Variants in ANKRD61 observed in about 807,000 individuals in gnomAD.
The protein encoded by ANKRD61 is ankyrin repeat domain-containing protein 61.
A neutral mutation model predicts 8.4 loss-of-function variants in ANKRD61; 7 were observed. The ratio of observed to expected loss-of-function variants is 0.84; its 90% CI spans 0.48 to 1.57. The LOEUF (loss-of-function observed/expected upper bound fraction) is 1.57, where lower values mean the gene tolerates loss of function less well. Ranked by LOEUF, ANKRD61 falls within the 40% of genes most tolerant of loss-of-function variation. The pLI is 0.00. For missense variants in ANKRD61, 516 were observed against 523.4 expected, an observed-to-expected ratio of 0.99 and a Z score of 0.14; for synonymous variants, 198 against 208.0, an observed-to-expected ratio of 0.95 and a Z score of 0.41.
rs969894976 is a variant in ANKRD61, at chr7:6,035,545, C to T, written c.416C>T (p.Thr139Ile). 12 of 1,551,214 alleles carry T rather than the reference C, an allele frequency of 7.7e-6. No homozygotes were observed. The South Asian group carries it at 1.4e-4, about 18-fold the overall frequency. ...GGCAACAGAACGCACAGGATCCTGA[C>T]AGACATTCAGAATAGCAGCATCACA... ...KPGNRTHRILTDIQNSSITCL... is the reference protein window; with the variant it reads ...KPGNRTHRILIDIQNSSITCL... Residue 139 changes from threonine to isoleucine, a missense_variant, in exon 3 of 3, where the codon ACA (threonine) becomes ATA (isoleucine). Coordinates refer to ENST00000409061, the MANE Select transcript of ANKRD61 (RefSeq NM_001271700.2). The surrounding 1 kb of genome is among the most constrained non-coding windows in gnomAD (Gnocchi z 5.5).
At position 6,031,489 on chromosome 7, in the gene ANKRD61, A is replaced by G; in HGVS notation, c.114A>G (p.Arg38=). The G allele has an allele frequency of 6.4e-7, 1 of 1,550,732 alleles. No individual in the cohort carries two copies. Among genetic ancestry groups the G allele is most frequent in the Non-Finnish European group, 8.7e-7 (1 of 1,147,026 alleles). ...LHSKLYEAIM[R]EDCTTIEVLL... is the part of the protein sequence containing the mutation. The stretch of plus-strand genomic sequence containing the variant: ...CGAAACTCTATGAAGCCATCATGAG[A>G]GAAGACTGCACTACGATCGAGGTAC... Residue 38 remains arginine (R), a synonymous_variant, in exon 1 of 3, where the codon AGA becomes AGG. Coordinates refer to ENST00000409061, the MANE Select transcript of ANKRD61 (RefSeq NM_001271700.2).
chr7:6,036,312 C>A lies in ANKRD61; in HGVS notation c.1183C>A (p.His395Asn). The A allele has an allele frequency of 6.5e-7, 1 of 1,545,658 alleles. No homozygotes were observed. The part of the protein sequence containing the change: ...RNIYGEKYKQ[H>N]LKQFLPVTIW... ...TATTTATGGTGAGAAATACAAACAG[C>A]ACTTGAAGCAATTCCTCCCAGTGAC... The change falls in exon 3 of 3, where the codon CAC becomes AAC. Residue 395 changes from histidine (H) to asparagine (N), a missense_variant. Transcript: ENST00000409061. This position sits in a 1 kb window ranked among gnomAD's most constrained non-coding sequence, Gnocchi z 4.6.
Position 6,033,791 on chromosome 7 carries a change from A to C in ANKRD61, c.314+855A>C, listed in dbSNP as rs6959042. 1.3e-5 allele frequency among the ~76,000 whole-genome samples: 2 copies of C among 151,222 alleles called. No homozygotes were observed. The highest frequency in any genetic ancestry group is 4.9e-5 in the African/African-American group (2 of 41,226). ...TCACCATGTTAGCCAGGATAGTCTC[A>C]ATCTCCTGACCTCGTGATCCGTCCA... On this transcript the variant is annotated intron_variant, in intron 2 of 2. Coordinates refer to ENST00000409061, the MANE Select transcript of ANKRD61 (RefSeq NM_001271700.2). This position sits in a 1 kb window ranked among gnomAD's most constrained non-coding sequence, Gnocchi z 4.4.
rs1415567132 is a variant in ANKRD61 at position 6,036,104 on chromosome 7, A to T, written c.975A>T (p.Val325=). The T allele has an allele frequency of 5.2e-6, 8 of 1,550,810 alleles. No individual in the cohort carries two copies. The highest frequency in any genetic ancestry group is 7.0e-6 in the Non-Finnish European group (8 of 1,147,112). Residue 325 remains valine (V), a synonymous_variant, in exon 3 of 3, where the codon GTA becomes GTT. Transcript: ENST00000409061. This position sits in a 1 kb window ranked among gnomAD's most constrained non-coding sequence, Gnocchi z 4.6. ...TGTACCTTCAGCGCAGTTGCAATGT[A>T]AGAGATACGGCACTTCTGGCCAGGC... ...IYMYLQRSCN[V]RDTALLARLL...
chr7:6,036,478 C>T lies in ANKRD61; in HGVS notation c.*92C>T, dbSNP rs1788099424. 1.5e-5 allele frequency: 12 copies of T among 798,754 alleles called. No homozygotes were observed. The South Asian group carries it at 2.3e-4, about 15-fold the overall frequency. The allele number at this position is 798,754 out of a possible 1,614,324, so 49.5% of individuals were successfully genotyped here. A position where few individuals can be genotyped will look rare whatever the true frequency, so the allele number is the denominator to read the frequency against. On this transcript the variant is annotated 3_prime_UTR_variant, in exon 3 of 3. Coordinates refer to ENST00000409061, the MANE Select transcript of ANKRD61 (RefSeq NM_001271700.2). The surrounding 1 kb of genome is among the most constrained non-coding windows in gnomAD (Gnocchi z 4.6). ...ATGTCCCAGAAAATGCTTCACCTAT[C>T]ACCTGTGACATCCCAAATGTACAAA...
chr7:6,034,283 G>T (rs1788007542), intron 2 of ANKRD61, among the ~76,000 whole-genome samples: 1 of 151,912 alleles, frequency 6.6e-6, no homozygotes, highest in Admixed American at 6.6e-5. Flanking sequence ...CTCCAGCCTG[G>T]GCGACAGAGC....
intron 2 of ANKRD61, among the ~76,000 whole-genome samples, chr7:6,034,841 C>A (rs1036073730): frequency 1.3e-5 from 2 of 152,176 alleles, no homozygotes; most frequent in African/African-American, 4.8e-5. Flanking sequence ...AGGGAATGAA[C>A]TTCGGAATGA....
chr7:6,034,256 A>G (rs1432166550), intron 2 of ANKRD61, among the ~76,000 whole-genome samples: 3 of 152,004 alleles, frequency 2.0e-5, no homozygotes, highest in Non-Finnish European at 4.4e-5. Flanking sequence ...GCAGTGAGCC[A>G]AAATCACGCC....
In ANKRD61 at chr7:6,033,613, CAG is replaced by C. The variant is rs1283314939; in HGVS notation, c.314+680_314+681del. Among the ~76,000 whole-genome samples the C allele has an allele frequency of 3.3e-5, 5 of 151,566 alleles. No individual in the cohort carries two copies. The highest frequency in any genetic ancestry group is 7.4e-5 in the Non-Finnish European group (5 of 67,792). ...TATTTTTGGTTTTTGTTTTTTGAGACAGAGTCTCGCTCTGTCGCCCAGGCTGG... is the reference window on the plus strand; with the variant it reads ...TATTTTTGGTTTTTGTTTTTTGAGACAGTCTCGCTCTGTCGCCCAGGCTGG... On this transcript the variant is annotated intron_variant, in intron 2 of 2. Coordinates refer to ENST00000409061, the MANE Select transcript of ANKRD61 (RefSeq NM_001271700.2). This position sits in a 1 kb window ranked among gnomAD's most constrained non-coding sequence, Gnocchi z 4.4.
Position 6,036,239 on chromosome 7 carries a change from G to T in ANKRD61, c.1110G>T (p.Ser370=). The change falls in exon 3 of 3, where the codon TCG becomes TCT. Residue 370 remains serine, a synonymous_variant. Transcript: ENST00000409061. This position sits in a 1 kb window ranked among gnomAD's most constrained non-coding sequence, Gnocchi z 4.6. ...RLLRDTLIKQ[S]QKPLSLQGIC... The stretch of plus-strand genomic sequence containing the variant: ...TAAGGGACACCCTAATAAAGCAATC[G>T]CAAAAACCTTTATCCCTACAGGGTA... 6.5e-7 allele frequency: 1 copy of T among 1,549,346 alleles called. No homozygotes were observed. The highest frequency in any genetic ancestry group is 8.7e-7 in the Non-Finnish European group (1 of 1,146,662).
Position 6,036,225 on chromosome 7 carries a change from C to G in ANKRD61, c.1096C>G (p.Leu366Val), listed in dbSNP as rs1788086950. 3 of 1,550,016 alleles carry G rather than the reference C, an allele frequency of 1.9e-6. No individual in the cohort carries two copies. The African/African-American group carries it at 4.1e-5, about 21-fold the overall frequency. Residue 366 changes from leucine (L) to valine (V), a missense_variant, in exon 3 of 3, where the codon CTA becomes GTA. By Grantham distance (32) the Leu-to-Val change is conservative. Coordinates refer to ENST00000409061, the MANE Select transcript of ANKRD61 (RefSeq NM_001271700.2). The surrounding 1 kb of genome is among the most constrained non-coding windows in gnomAD (Gnocchi z 4.6). ...AGAATTCCGCCTCTTAAGGGACACC[C>G]TAATAAAGCAATCGCAAAAACCTTT... ...LPEFRLLRDT[L>V]IKQSQKPLSL...
rs180960363 is a variant in ANKRD61, at chr7:6,032,916, C to T, written c.294C>T (p.His98=). The part of the protein sequence containing the change: ...KAQSLLCLLR[H]GADPEVRDTT... ...AGAGTCTGCTCTGCCTGTTACGGCA[C>T]GGTGCTGACCCAGAAGTCAGGTAAG... Residue 98 remains histidine, a synonymous_variant, in exon 2 of 3, where the codon CAC becomes CAT. Coordinates refer to ENST00000409061, the MANE Select transcript of ANKRD61 (RefSeq NM_001271700.2). This position sits in a 1 kb window ranked among gnomAD's most constrained non-coding sequence, Gnocchi z 4.3. The T allele has an allele frequency of 2.0e-4, 306 of 1,550,650 alleles. 2 individuals carry two copies. In the East Asian group the frequency reaches 2.1e-3, roughly 11 times the overall value.
rs932235605 is a variant in ANKRD61, at chr7:6,035,900, G to A, written c.771G>A (p.Gly257=). 1.5e-5 allele frequency: 23 copies of A among 1,546,780 alleles called. No homozygotes were observed. The African/African-American group carries it at 2.2e-4, about 15-fold the overall frequency. ...AAGCAGGCCGACTCCTCGGGGCGGG[G>A]GTCAGCTGCATCCGTCTGCTACTCA... ...SSKAGRLLGA[G]VSCIRLLLTH... Residue 257 remains glycine, a synonymous_variant, in exon 3 of 3, where the codon GGG becomes GGA. Transcript: ENST00000409061. This position sits in a 1 kb window ranked among gnomAD's most constrained non-coding sequence, Gnocchi z 5.5.
rs980832731 is a variant in ANKRD61, at chr7:6,031,654, T to C, written c.216+63T>C. On this transcript the variant is annotated intron_variant, in intron 1 of 2. Transcript: ENST00000409061. Reference sequence around the variant, plus strand: ...TCAGGCTGCTTAGAAAGAAGCATGATCTAAAGCTGGTGAACCCACTAAGCT... The same window carrying C: ...TCAGGCTGCTTAGAAAGAAGCATGACCTAAAGCTGGTGAACCCACTAAGCT... 2.7e-6 allele frequency: 4 copies of C among 1,498,072 alleles called. No individual in the cohort carries two copies. The African/African-American group carries it at 5.6e-5, about 21-fold the overall frequency. 92.8% of individuals were successfully genotyped at this position (1,498,072 alleles called of 1,614,324 possible). A position where few individuals can be genotyped will look rare whatever the true frequency, so the allele number is the denominator to read the frequency against.
chr7:6,034,088 T>A (rs1583481431), intron 2 of ANKRD61, among the ~76,000 whole-genome samples: 1 of 150,140 alleles, frequency 6.7e-6, no homozygotes, highest in African/African-American at 2.4e-5. Context: ...GAGGCTGAGG[T>A]GGGTGGATCA....
Position 6,035,985 on chromosome 7 carries a change from T to C in ANKRD61, c.856T>C (p.Cys286Arg). ...GGGCCAAACAGCCATCCATGAGGCA[T>C]GCTTTGGAGGCAGAGAGGCAATCAT... ...YKGQTAIHEA[C>R]FGGREAIINL... The change falls in exon 3 of 3, where the codon TGC becomes CGC. Residue 286 changes from cysteine (C) to arginine (R), a missense_variant. Physicochemically the swap from Cys to Arg is radical, Grantham distance 180 (BLOSUM62 -3). Coordinates refer to ENST00000409061, the MANE Select transcript of ANKRD61 (RefSeq NM_001271700.2). This position sits in a 1 kb window ranked among gnomAD's most constrained non-coding sequence, Gnocchi z 5.5. 2 of 1,550,924 alleles carry C rather than the reference T, an allele frequency of 1.3e-6. No homozygotes were observed. The highest frequency in any genetic ancestry group is 1.7e-6 in the Non-Finnish European group (2 of 1,147,008).
In ANKRD61 at chr7:6,035,509, G is replaced by T; in HGVS notation, c.380G>T (p.Trp127Leu). The T allele has an allele frequency of 6.4e-7, 1 of 1,551,114 alleles. No individual in the cohort carries two copies. The highest frequency in any genetic ancestry group is 8.7e-7 in the Non-Finnish European group (1 of 1,147,114). ...LLHWPVTSTTWAKPGNRTHRI... is the reference protein window; with the variant it reads ...LLHWPVTSTTLAKPGNRTHRI... ...CACTGGCCAGTCACTTCCACCACGTGGGCAAAACCAGGCAACAGAACGCAC... is the reference window on the plus strand; with the variant it reads ...CACTGGCCAGTCACTTCCACCACGTTGGCAAAACCAGGCAACAGAACGCAC... Residue 127 changes from tryptophan (W) to leucine (L), a missense_variant, in exon 3 of 3, where the codon TGG becomes TTG. Trp to Leu is a moderately conservative substitution (Grantham distance 61). Coordinates refer to ENST00000409061, the MANE Select transcript of ANKRD61 (RefSeq NM_001271700.2). This position sits in a 1 kb window ranked among gnomAD's most constrained non-coding sequence, Gnocchi z 5.5.
Position 6,031,483 on chromosome 7 carries a change from C to G in ANKRD61, c.108C>G (p.Ile36Met). Residue 36 changes from isoleucine (I) to methionine (M), a missense_variant, in exon 1 of 3, where the codon ATC becomes ATG. Transcript: ENST00000409061. ...AALHSKLYEA[I>M]MREDCTTIEV... ...TTCACTCGAAACTCTATGAAGCCAT[C>G]ATGAGAGAAGACTGCACTACGATCG... 1 of 1,550,716 alleles carries G rather than the reference C, an allele frequency of 6.4e-7. No homozygotes were observed. Among genetic ancestry groups the G allele is most frequent in the South Asian group, 1.2e-5 (1 of 84,062 alleles).
rs1788057234 is a variant in ANKRD61 at position 6,035,668 on chromosome 7, GCTATCC to G, written c.540_545del (p.Cys180_Pro182delinsTer). Reference sequence around the variant, plus strand: ...CTCCACCTGGCCATAGCATATGGTTGCTATCCAGTTCTCTCCATTTTGACCCAAAAT... The same window carrying G: ...CTCCACCTGGCCATAGCATATGGTTGAGTTCTCTCCATTTTGACCCAAAAT... On this transcript the variant is annotated stop_gained and inframe_deletion, in exon 3 of 3. Coordinates refer to ENST00000409061, the MANE Select transcript of ANKRD61 (RefSeq NM_001271700.2). LOFTEE classifies it low-confidence loss of function (END_TRUNC). The surrounding 1 kb of genome is among the most constrained non-coding windows in gnomAD (Gnocchi z 5.5). 2 of 1,550,524 alleles carry G rather than the reference GCTATCC, an allele frequency of 1.3e-6. No homozygotes were observed. The highest frequency in any genetic ancestry group is 1.7e-6 in the Non-Finnish European group (2 of 1,147,062).
Sources: allele counts gnomAD v4.1 joint callset (sites outside exome capture counted in the v4.1 genomes callset), GRCh38; gene constraint gnomAD v4.1.1; non-coding constraint Gnocchi (gnomAD v3.1); transcripts MANE v1.5; gene names NCBI Gene and HGNC (gene_info 2026-07-23, HGNC 2026-07-21).